The following ZBTB20 variants were observed in gnomAD, a reference collection of about 807,000 sequenced individuals.
ZBTB20 encodes the protein zinc finger and BTB domain-containing protein 20.
A neutral mutation model predicts 56.9 loss-of-function variants in ZBTB20; 9 were observed. That is an observed-to-expected ratio of 0.16 (90% confidence interval 0.10 to 0.28). The LOEUF is 0.28. ZBTB20 is among the 10% of genes least tolerant of loss of function. The pLI is 1.00. For missense variants in ZBTB20, 655 were observed against 1,003.0 expected (o/e 0.65, Z 4.69); for synonymous variants, 417 against 420.7 (o/e 0.99, Z 0.11).
intron 5 of ZBTB20, among the ~76,000 whole-genome samples, chr3:114,729,862 G>C (rs992655735): frequency 1.3e-5 from 2 of 151,548 alleles, no homozygotes; most frequent in South Asian, 2.1e-4. Context: ...GGAGTGCGGT[G>C]GCATGACCAT....
chr3:115,088,451 A>G (rs1470590841), intron 1 of ZBTB20, among the ~76,000 whole-genome samples: 1 of 151,768 alleles, frequency 6.6e-6, no homozygotes, highest in African/African-American at 2.4e-5. Context: ...TAATACATAG[A>G]GAGGTGTTAA....
At chr3:114,993,463 G>A (rs1408341994) in intron 2 of ZBTB20, among the ~76,000 whole-genome samples, 1 of 151,696 alleles carries the variant, frequency 6.6e-6, no homozygotes, top group Non-Finnish European at 1.5e-5. Context: ...TTTGAAAATT[G>A]CACATTCTTT....
chr3:115,128,872 G>A (rs2084418523), intron 1 of ZBTB20, among the ~76,000 whole-genome samples: 1 of 152,070 alleles, frequency 6.6e-6, no homozygotes, highest in Non-Finnish European at 1.5e-5. Flanking sequence ...AGCCCAGGCA[G>A]GCAGATCACG....
At chr3:115,142,901 G>A (rs186348037) in intron 1 of ZBTB20, among the ~76,000 whole-genome samples, 3 of 152,128 alleles carry the variant, frequency 2.0e-5, no homozygotes, top group Non-Finnish European at 2.9e-5. Context: ...AACCCTCCAC[G>A]GCACAGGATG....
At chr3:114,451,634 G>A (rs1227209028) in intron 7 of ZBTB20, among the ~76,000 whole-genome samples, 1 of 152,050 alleles carries the variant, frequency 6.6e-6, no homozygotes, top group Admixed American at 6.6e-5. Flanking sequence ...AAAACTAGTG[G>A]GTGAGGGGAG....
At chr3:114,483,700 G>C (rs1275760665) in intron 7 of ZBTB20, among the ~76,000 whole-genome samples, 1 of 152,138 alleles carries the variant, frequency 6.6e-6, no homozygotes, top group South Asian at 2.1e-4. Context: ...CATGGGTCGA[G>C]GTCATAGACT....
chr3:114,700,743 T>C (rs961859067), intron 5 of ZBTB20, among the ~76,000 whole-genome samples: 5 of 152,130 alleles, frequency 3.3e-5, no homozygotes, highest in Non-Finnish European at 7.4e-5. Context: ...AAAAGAACTC[T>C]GAGGAGGTTA....
At chr3:115,098,844 A>G (rs1019631968) in intron 1 of ZBTB20, among the ~76,000 whole-genome samples, 5 of 152,104 alleles carry the variant, frequency 3.3e-5, no homozygotes, top group Non-Finnish European at 7.4e-5. Flanking sequence ...ATTAAGGGGG[A>G]AAAAAGTCTG....
intron 7 of ZBTB20, among the ~76,000 whole-genome samples, chr3:114,475,348 C>T (rs1261398227): frequency 6.6e-6 from 1 of 152,124 alleles, no homozygotes; most frequent in African/African-American, 2.4e-5. Context: ...GAGCATTTCA[C>T]TTTTCACTAT....
chr3:114,377,416 C>T (rs1001848236), intron 10 of ZBTB20, among the ~76,000 whole-genome samples: 4 of 152,170 alleles, frequency 2.6e-5, no homozygotes, highest in Non-Finnish European at 4.4e-5. Context: ...GATCTTTTGC[C>T]GAATTTGAAG....
chr3:114,691,482 C>A (rs1235179838), intron 6 of ZBTB20, among the ~76,000 whole-genome samples: 1 of 151,832 alleles, frequency 6.6e-6, no homozygotes, highest in African/African-American at 2.4e-5. Context: ...CTGATTTGAA[C>A]TTTTATTCAT....
chr3:114,408,942 C>G (rs1311299391), intron 7 of ZBTB20, among the ~76,000 whole-genome samples: 1 of 151,998 alleles, frequency 6.6e-6, no homozygotes, highest in Non-Finnish European at 1.5e-5. Flanking sequence ...GCCGTCCGCT[C>G]CTGGTGTGCT....
At chr3:114,891,120 A>G (rs571706358) in intron 4 of ZBTB20, among the ~76,000 whole-genome samples, 17 of 152,258 alleles carry the variant, frequency 1.1e-4, no homozygotes, top group South Asian at 8.3e-4. Context: ...GAAACTTCCA[A>G]CAATTGGTAT....
intron 6 of ZBTB20, among the ~76,000 whole-genome samples, chr3:114,576,483 C>CA (rs2054052093): frequency 1.1e-5 from 1 of 91,744 alleles, no homozygotes; most frequent in South Asian, 3.8e-4. Flanking sequence ...GCCTGGGTGA[C>CA]AGAGCAAGAC....
rs528914678 is a variant in ZBTB20 at position 114,802,045 on chromosome 3, T to C, written c.-416-871A>G. Reference sequence around the variant, plus strand: ...CTATAAATAATAGTATTTTTTAAATTAAAAAAATCACATCACACACTAGAA... The same window carrying C: ...CTATAAATAATAGTATTTTTTAAATCAAAAAAATCACATCACACACTAGAA... On this transcript the variant is annotated intron_variant, in intron 4 of 11. Coordinates refer to ENST00000675478, the MANE Select transcript of ZBTB20 (RefSeq NM_001348800.3). 1.9e-3 allele frequency among the ~76,000 whole-genome samples: 288 copies of C among 151,978 alleles called. 1 individual carries two copies. Among genetic ancestry groups the C allele is most frequent in the Middle Eastern group, 3.4e-3 (1 of 294 alleles).
chr3:114,844,540 A>C (rs1002735566), intron 4 of ZBTB20, among the ~76,000 whole-genome samples: 1 of 142,114 alleles, frequency 7.0e-6, no homozygotes, highest in African/African-American at 2.6e-5. Context: ...AAAAAAAAAA[A>C]AAAAAAAAAA....
At chr3:114,389,752 G>T (rs144502110) in intron 7 of ZBTB20, among the ~76,000 whole-genome samples, 1,735 of 151,758 alleles carry the variant, frequency 0.011, 36 homozygotes, top group African/African-American at 0.04. Flanking sequence ...AGCCAGGCGT[G>T]ATGGCGCACG....
At chr3:114,970,888 G>A (rs2077851316) in intron 3 of ZBTB20, among the ~76,000 whole-genome samples, 1 of 152,032 alleles carries the variant, frequency 6.6e-6, no homozygotes, top group Non-Finnish European at 1.5e-5. Context: ...GGTAGTGGGC[G>A]CCTGTAGTCC....
At chr3:114,835,456 A>G (rs965232288) in intron 4 of ZBTB20, among the ~76,000 whole-genome samples, 10 of 152,120 alleles carry the variant, frequency 6.6e-5, no homozygotes, top group Admixed American at 5.2e-4. Context: ...GCCTGCTGTG[A>G]GTTTGTGGCA....
Sources: allele counts gnomAD v4.1 joint callset (sites outside exome capture counted in the v4.1 genomes callset), GRCh38; gene constraint gnomAD v4.1.1; transcripts MANE v1.5; gene names NCBI Gene and HGNC (gene_info 2026-07-23, HGNC 2026-07-21).